The following CNTNAP2 variants were observed in gnomAD, a reference collection of about 807,000 sequenced individuals.
CNTNAP2 encodes the protein contactin-associated protein-like 2.
CNTNAP2 carries 98 observed loss-of-function variants against 155.2 expected under a neutral mutation model. The ratio of observed to expected loss-of-function variants is 0.63; its 90% CI spans 0.54 to 0.75. CNTNAP2 has a LOEUF of 0.75. Ranked by LOEUF, CNTNAP2 falls within the 30% of genes least tolerant of loss-of-function variation. The pLI is 0.00. For missense variants in CNTNAP2, 1,727 were observed against 1,688.1 expected (o/e 1.02, Z -0.40); for synonymous variants, 651 against 631.2 (o/e 1.03, Z -0.47).
At position 148,365,985 on chromosome 7, in the gene CNTNAP2, CATGT is replaced by C. The variant is rs1798753904; in HGVS notation, c.3476-17663_3476-17660del. 1.0e-3 allele frequency among the ~76,000 whole-genome samples: 2 copies of C among 2,008 alleles called. 1 individual carries two copies. Among genetic ancestry groups the C allele is most frequent in the African/African-American group, 1.2e-3 (2 of 1,680 alleles). 1.3% of individuals were successfully genotyped at this position (2,008 alleles called of 152,430 possible). ...GTATACATGTGTGTATGCATGTATA[CATGT>C]GTGTATGCATGTATGCATGTGTGTA... On this transcript the variant is annotated intron_variant, in intron 21 of 23. Coordinates refer to ENST00000361727, the MANE Select transcript of CNTNAP2 (RefSeq NM_014141.6).
At chr7:147,047,380 T>G (rs1274862862) in intron 4 of CNTNAP2, among the ~76,000 whole-genome samples, 1 of 151,574 alleles carries the variant, frequency 6.6e-6, no homozygotes, top group Non-Finnish European at 1.5e-5. Flanking sequence ...CTGGGCTTGT[T>G]TCTGATTTTT....
rs372113140 is a variant in CNTNAP2 at position 147,869,776 on chromosome 7, A to G, written c.2099-33789A>G. Among the ~76,000 whole-genome samples the G allele has an allele frequency of 3.2e-4, 49 of 152,320 alleles. 1 individual carries two copies. The highest frequency in any genetic ancestry group is 1.0e-3 in the African/African-American group (42 of 41,564). On this transcript the variant is annotated intron_variant, in intron 13 of 23. Coordinates refer to ENST00000361727, the MANE Select transcript of CNTNAP2 (RefSeq NM_014141.6). ...TGGAATGATGTAAAACATAGATTGC[A>G]GATAATAAGTTTGTGCCAAGGATTG...
At chr7:148,075,551 A>G (rs867116726) in intron 15 of CNTNAP2, among the ~76,000 whole-genome samples, 15 of 152,338 alleles carry the variant, frequency 9.8e-5, no homozygotes, top group Middle Eastern at 3.4e-3. Flanking sequence ...CTGAAGGAGT[A>G]AGAGAGTCCT....
chr7:146,964,679 A>G (rs1321961262), intron 3 of CNTNAP2, among the ~76,000 whole-genome samples: 1 of 152,200 alleles, frequency 6.6e-6, no homozygotes, highest in African/African-American at 2.4e-5. Flanking sequence ...TGTTTCCTGA[A>G]TCTCCTTTTT....
chr7:148,116,457 A>G (rs916706195), intron 15 of CNTNAP2, among the ~76,000 whole-genome samples: 3 of 151,938 alleles, frequency 2.0e-5, no homozygotes, highest in Admixed American at 1.3e-4. Context: ...TCTTGCATCC[A>G]CAAACACATT....
chr7:146,171,920 AAACT>A (rs1230406810), intron 1 of CNTNAP2, among the ~76,000 whole-genome samples: 1 of 151,972 alleles, frequency 6.6e-6, no homozygotes, highest in African/African-American at 2.4e-5. Context: ...TAAAAATTAG[AAACT>A]AAATAAATTA....
At chr7:146,299,254 C>T (rs1041935524) in intron 1 of CNTNAP2, among the ~76,000 whole-genome samples, 10 of 151,820 alleles carry the variant, frequency 6.6e-5, no homozygotes, top group East Asian at 3.9e-4. Flanking sequence ...CTGGGCAACA[C>T]GAGCAAAACT....
chr7:146,653,750 A>G (rs968052734), intron 1 of CNTNAP2, among the ~76,000 whole-genome samples: 20 of 152,200 alleles, frequency 1.3e-4, no homozygotes, highest in African/African-American at 4.1e-4. Context: ...GTTAATTTAT[A>G]GAAACATGGG....
chr7:147,991,198 C>T (rs1031249561), intron 15 of CNTNAP2, among the ~76,000 whole-genome samples: 1 of 152,172 alleles, frequency 6.6e-6, no homozygotes, highest in African/African-American at 2.4e-5. Flanking sequence ...TTATTGTCAC[C>T]ATTGTCCCTA....
intron 9 of CNTNAP2, among the ~76,000 whole-genome samples, chr7:147,355,968 CAG>C (rs1796056151): frequency 6.6e-6 from 1 of 152,070 alleles, no homozygotes; most frequent in Non-Finnish European, 1.5e-5. Flanking sequence ...CAAAACCTGG[CAG>C]AGACACAATA....
chr7:146,426,156 A>C (rs899020093), intron 1 of CNTNAP2, among the ~76,000 whole-genome samples: 15 of 133,986 alleles, frequency 1.1e-4, no homozygotes, highest in Non-Finnish European at 2.2e-4. Context: ...ACTGCACTCC[A>C]GCCTGGGCTA....
At chr7:146,998,774 CT>C (rs1259731615) in intron 3 of CNTNAP2, among the ~76,000 whole-genome samples, 1 of 151,510 alleles carries the variant, frequency 6.6e-6, no homozygotes, top group African/African-American at 2.4e-5. Context: ...TTATAATGAC[CT>C]TTTTGTCTCT....
At chr7:147,600,079 T>C (rs1441932267) in intron 12 of CNTNAP2, among the ~76,000 whole-genome samples, 1 of 152,224 alleles carries the variant, frequency 6.6e-6, no homozygotes, top group African/African-American at 2.4e-5. Context: ...AGTACTTTTA[T>C]GCTTAGAATA....
intron 13 of CNTNAP2, among the ~76,000 whole-genome samples, chr7:147,783,317 T>C (rs1412152543): frequency 1.3e-5 from 2 of 152,188 alleles, no homozygotes; most frequent in African/African-American, 2.4e-5. Flanking sequence ...TTTGTCTTCA[T>C]TGTTGTTTGT....
chr7:147,328,739 C>G (rs887334561), intron 9 of CNTNAP2, among the ~76,000 whole-genome samples: 5 of 152,248 alleles, frequency 3.3e-5, no homozygotes, highest in Admixed American at 3.3e-4. Flanking sequence ...AGCCCCCACC[C>G]TTATACATGC....
chr7:146,818,020 G>C (rs1585105122), intron 2 of CNTNAP2, among the ~76,000 whole-genome samples: 1 of 152,294 alleles, frequency 6.6e-6, no homozygotes, highest in East Asian at 1.9e-4. Context: ...TAATTGGCAT[G>C]AATATTTAGA....
intron 1 of CNTNAP2, among the ~76,000 whole-genome samples, chr7:146,718,758 CA>C (rs1320449454): frequency 6.6e-6 from 1 of 152,006 alleles, no homozygotes; most frequent in African/African-American, 2.4e-5. Flanking sequence ...CTCCCATCAC[CA>C]AGAAATCATA....
intron 3 of CNTNAP2, among the ~76,000 whole-genome samples, chr7:146,970,122 G>A (rs1323596738): frequency 6.6e-6 from 1 of 152,138 alleles, no homozygotes; most frequent in African/African-American, 2.4e-5. Context: ...AGAAAACCTA[G>A]ACATTACCAT....
At chr7:147,059,634 T>G (rs1435830280) in intron 4 of CNTNAP2, among the ~76,000 whole-genome samples, 6 of 152,138 alleles carry the variant, frequency 3.9e-5, no homozygotes, top group Admixed American at 3.9e-4. Context: ...GAACTATACC[T>G]AGTAGGAAAT....
Sources: gnomAD v4.1 joint callset for allele counts (sites outside exome capture counted in the v4.1 genomes callset) on GRCh38, gnomAD v4.1.1 for gene constraint, MANE v1.5 for transcripts, NCBI Gene and HGNC (gene_info 2026-07-23, HGNC 2026-07-21) for gene names.